The following LEO1 variants were observed in gnomAD, a reference collection of about 807,000 sequenced individuals.
The protein encoded by LEO1 is RNA polymerase-associated protein LEO1.
In LEO1, 34 loss-of-function variants were observed where a neutral mutation model predicts 80.4. That is an observed-to-expected ratio of 0.42 (90% CI 0.32 to 0.56). The LOEUF (loss-of-function observed/expected upper bound fraction) is 0.56, where lower values mean the gene tolerates loss of function less well. LEO1 is among the 20% of genes least tolerant of loss of function. The pLI is 0.10. For missense variants in LEO1, 631 were observed against 814.2 expected (o/e 0.77, Z 2.74); for synonymous variants, 262 against 274.9 (o/e 0.95, Z 0.46).
intron 1 of LEO1, 126 bp from the exon 2 acceptor site, chr15:51,966,630 G>A (rs766868387): frequency 1.6e-6 from 1 of 616,756 alleles, no homozygotes; most frequent in African/African-American, 1.8e-5. Context: ...ACATTCTAAG[G>A]CCGGGTGCAG....
intron 2 of LEO1, among the ~76,000 whole-genome samples, chr15:51,964,471 G>A (rs1189542642): frequency 1.3e-5 from 2 of 150,894 alleles, no homozygotes; most frequent in Non-Finnish European, 2.9e-5. Context: ...GATGGGTGCA[G>A]CACACCAACA....
intron 1 of LEO1, among the ~76,000 whole-genome samples, chr15:51,968,473 G>A (rs535251923): frequency 2.4e-4 from 37 of 152,194 alleles, no homozygotes; most frequent in African/African-American, 8.4e-4. Flanking sequence ...CCTAGGAAGC[G>A]GAGGTTGCAG....
chr15:51,971,735 A>G lies in LEO1; in HGVS notation c.11T>C (p.Met4Thr), dbSNP rs767155134. 3.7e-6 allele frequency: 6 copies of G among 1,614,146 alleles called. No individual in the cohort carries two copies. In the South Asian group the frequency reaches 5.5e-5, roughly 15 times the overall value. MAD[M>T]EDLFGSDADS... ...GGCGTCGCTCCCGAAGAGATCCTCC[A>G]TATCCGCCATTATCGCTCACGTCCG... The change falls in exon 1 of 12, where the codon ATG becomes ACG. Residue 4 changes from methionine to threonine, a missense_variant. By Grantham distance (81) the Met-to-Thr change is moderately conservative (BLOSUM62 -1). This residue lies in a region of LEO1 where 394 missense variants were observed against 395.6 expected (regional missense o/e 1.00). Transcript: ENST00000299601.
chr15:51,953,033 G>C, intron 8 of LEO1, 96 bp downstream of exon 8: 4 of 970,186 alleles, frequency 4.1e-6, no homozygotes, highest in Non-Finnish European at 6.2e-6. Flanking sequence ...GAATCATACC[G>C]TGGGGTTACA....
At chr15:51,938,566 A>G (rs1352739420) in intron 11 of LEO1, among the ~76,000 whole-genome samples, 1 of 152,184 alleles carries the variant, frequency 6.6e-6, no homozygotes, top group Non-Finnish European at 1.5e-5. Context: ...ATGATCAGGT[A>G]ATTTCTCAAA....
At position 51,957,888 on chromosome 15, in the gene LEO1, G is replaced by T. The variant is rs187499975; in HGVS notation, c.1245+854C>A. ...ATACAAAAATTAGCTGGGCATGGTG[G>T]TGCATGCCTGTAGTCTCAGCTACTT... On this transcript the variant is annotated intron_variant, in intron 6 of 11. Coordinates refer to ENST00000299601, the MANE Select transcript of LEO1 (RefSeq NM_138792.4). Among the ~76,000 whole-genome samples the T allele has an allele frequency of 3.1e-4, 47 of 152,200 alleles. No individual in the cohort carries two copies. In the East Asian group the frequency reaches 7.7e-3, roughly 25 times the overall value.
At chr15:51,958,985 G>A (rs1379327486) in intron 5 of LEO1, among the ~76,000 whole-genome samples, 159 bp from the exon 6 acceptor site, 1 of 151,210 alleles carries the variant, frequency 6.6e-6, no homozygotes, top group Non-Finnish European at 1.5e-5. Context: ...CTTCAAGGAA[G>A]TAGTAATTGT....
intron 7 of LEO1, 79 bp downstream of exon 7, chr15:51,954,402 A>C (rs1411939012): frequency 1.1e-5 from 9 of 857,066 alleles, no homozygotes; most frequent in Non-Finnish European, 1.8e-5. Flanking sequence ...AATAAATTTA[A>C]AACTAAAAAG....
chr15:51,970,198 C>T (rs1364262836), intron 1 of LEO1, among the ~76,000 whole-genome samples: 1 of 152,122 alleles, frequency 6.6e-6, no homozygotes, highest in African/African-American at 2.4e-5. Context: ...ACTTTATCAC[C>T]CAGGTTGAAG....
At chr15:51,958,656 A>G in intron 6 of LEO1, 86 bp downstream of exon 6, 1 of 798,198 alleles carries the variant, frequency 1.3e-6, no homozygotes. Context: ...AGGTAAAAAA[A>G]TCACTTTCAA....
chr15:51,956,662 C>G lies in LEO1; in HGVS notation c.1245+2080G>C, dbSNP rs148926106. Among the ~76,000 whole-genome samples the G allele has an allele frequency of 8.5e-3, 1,295 of 152,180 alleles. 23 individuals are homozygous for G. Among genetic ancestry groups the G allele is most frequent in the Non-Finnish European group, 8.0e-3 (547 of 68,006 alleles). ...CCTTGTTCTTAAAGAATTAACTACA[C>G]CATGCTTTAAGACTGGTCAGCGTAG... On this transcript the variant is annotated intron_variant, in intron 6 of 11. Transcript: ENST00000299601.
chr15:51,962,411 A>C lies in LEO1; in HGVS notation c.897T>G (p.Asp299Glu). 1 of 1,611,878 alleles carries C rather than the reference A, an allele frequency of 6.2e-7. No homozygotes were observed. Among genetic ancestry groups the C allele is most frequent in the Non-Finnish European group, 8.5e-7 (1 of 1,178,246 alleles). The change falls in exon 3 of 12, where the codon GAT becomes GAG. Residue 299 changes from aspartate (D) to glutamate (E), a missense_variant. By Grantham distance (45) the Asp-to-Glu change is conservative. Transcript: ENST00000299601. ...TACCTTTTGGCACCTCAGTGTCACTATCCGCTTCTGAATCAGATGCAATCG... is the reference window on the plus strand; with the variant it reads ...TACCTTTTGGCACCTCAGTGTCACTCTCCGCTTCTGAATCAGATGCAATCG... ...KNAIASDSEA[D>E]SDTEVPKDNS...
chr15:51,950,255 G>A (rs1248018752), intron 9 of LEO1, among the ~76,000 whole-genome samples: 1 of 152,212 alleles, frequency 6.6e-6, no homozygotes, highest in Non-Finnish European at 1.5e-5. Context: ...GTCCTCGGGA[G>A]CTGTGCTGGT....
chr15:51,971,503 C>A (rs2057122678), intron 1 of LEO1, among the ~76,000 whole-genome samples, 185 bp downstream of exon 1: 1 of 152,216 alleles, frequency 6.6e-6, no homozygotes, highest in African/African-American at 2.4e-5. Flanking sequence ...CCTCGAGGCG[C>A]AGACTGTCTG....
In LEO1 at chr15:51,967,226, A is replaced by G. The variant is rs553029803; in HGVS notation, c.59-722T>C. Among the ~76,000 whole-genome samples, 9 of 152,332 alleles carry G rather than the reference A, an allele frequency of 5.9e-5. No individual in the cohort carries two copies. In the East Asian group the frequency reaches 1.7e-3, roughly 29 times the overall value. On this transcript the variant is annotated intron_variant, in intron 1 of 11. Transcript: ENST00000299601. The stretch of plus-strand genomic sequence containing the variant: ...GGTGGTTCACACCTGTAATCCCAGC[A>G]CTTTGGGAGGCCAAGGCGGGCAGAT...
intron 2 of LEO1, among the ~76,000 whole-genome samples, chr15:51,963,144 C>T (rs1463170598): frequency 6.6e-6 from 1 of 151,886 alleles, no homozygotes; most frequent in Non-Finnish European, 1.5e-5. Flanking sequence ...GGTGTGGTAG[C>T]GTGCACCTGT....
At chr15:51,962,935 C>CA (rs1555393521) in intron 2 of LEO1, among the ~76,000 whole-genome samples, 4,464 of 150,588 alleles carry the variant, frequency 0.03, 187 homozygotes, top group East Asian at 0.13. Flanking sequence ...GCCCCCCCCC[C>CA]AAAAAATTAA....
intron 6 of LEO1, 66 bp downstream of exon 6, chr15:51,958,676 T>G: frequency 2.1e-6 from 2 of 965,594 alleles, no homozygotes; most frequent in Non-Finnish European, 3.3e-6. Flanking sequence ...AAAGCTCAAG[T>G]TTCAAGTTAG....
In LEO1 at chr15:51,949,982, G is replaced by T; in HGVS notation, c.1624C>A (p.Arg542Ser). The T allele has an allele frequency of 6.2e-7, 1 of 1,611,130 alleles. No homozygotes were observed. Among genetic ancestry groups the T allele is most frequent in the Non-Finnish European group, 8.5e-7 (1 of 1,179,220 alleles). Reference sequence around the variant, plus strand: ...TCCCTACGTATGGAAGCCCTCAAACGTTCTTCTTCTTTCTGTAAAGAAGCA... The same window carrying T: ...TCCCTACGTATGGAAGCCCTCAAACTTTCTTCTTCTTTCTGTAAAGAAGCA... ...RTEMIKKEEE[R>S]LRASIRRESQ... Residue 542 changes from arginine (R) to serine (S), a missense_variant, in exon 10 of 12, where the codon CGT (arginine) becomes AGT (serine). Coordinates refer to ENST00000299601, the MANE Select transcript of LEO1 (RefSeq NM_138792.4).
Sources: allele counts gnomAD v4.1 joint callset (sites outside exome capture counted in the v4.1 genomes callset), GRCh38; gene constraint gnomAD v4.1.1; regional missense constraint gnomAD v4.1.1; transcripts MANE v1.5; gene names NCBI Gene and HGNC (gene_info 2026-07-23, HGNC 2026-07-21).